Variants in PLRG1 observed in about 807,000 individuals in gnomAD.
PLRG1 encodes the protein pleiotropic regulator 1, also known as pleiotropic regulator 1 (PRL1 homolog, Arabidopsis).
PLRG1 carries 28 observed loss-of-function variants against 74.9 expected under a neutral mutation model. The observed-to-expected ratio is 0.37, with a 90% CI of 0.28 to 0.51. The LOEUF (loss-of-function observed/expected upper bound fraction) is 0.51. Among genes scored for constraint, PLRG1 ranks in the 20% least tolerant of loss-of-function variants. PLRG1 has a pLI of 0.91. For missense variants in PLRG1, 445 were observed against 631.9 expected, an observed-to-expected ratio of 0.70 and a Z score of 3.17; for synonymous variants, 197 against 212.4, an observed-to-expected ratio of 0.93 and a Z score of 0.63.
At position 154,537,267 on chromosome 4, in the gene PLRG1, T is replaced by C. The variant is rs1277167626; in HGVS notation, c.1485+19A>G. On this transcript the variant is annotated intron_variant, in intron 14 of 14. Coordinates refer to ENST00000499023, the MANE Select transcript of PLRG1 (RefSeq NM_002669.4). ...TGGTATAGCTGTTTTACTTAACGAA[T>C]GTGAAACACAGAACTTACGGCTGTG... is the stretch of plus-strand genomic sequence containing the variant. The C allele has an allele frequency of 1.8e-5, 28 of 1,556,106 alleles. No individual in the cohort carries two copies. Among genetic ancestry groups the C allele is most frequent in the Non-Finnish European group, 2.5e-5 (28 of 1,134,518 alleles).
At position 154,535,202 on chromosome 4, in the gene PLRG1, T is replaced by TA. The variant is rs1405948960; in HGVS notation, c.*1482dup. 1 of 151,772 alleles carries TA rather than the reference T, an allele frequency of 6.6e-6. No individual in the cohort carries two copies. Among genetic ancestry groups the TA allele is most frequent in the Non-Finnish European group, 1.5e-5 (1 of 67,986 alleles). The allele number at this position is 151,772 out of a possible 1,614,324, so 9.4% of individuals were successfully genotyped here. On this transcript the variant is annotated 3_prime_UTR_variant, in exon 15 of 15. Transcript: ENST00000499023. ...AAAATGCTTGCACAACTTTTTTTTT[T>TA]ACCCAAGTTTAGAAATCTTGCCCTA...
Position 154,535,854 on chromosome 4 carries a change from T to A in PLRG1, c.*831A>T, listed in dbSNP as rs1729437447. On this transcript the variant is annotated 3_prime_UTR_variant, in exon 15 of 15. Coordinates refer to ENST00000499023, the MANE Select transcript of PLRG1 (RefSeq NM_002669.4). ...CCTACTAGTTGAGGAATAAAATCCA[T>A]ACTTATATGAGCTTTCCCCAGAACA... is the stretch of plus-strand genomic sequence containing the variant. 1 of 149,202 alleles carries A rather than the reference T, an allele frequency of 6.7e-6. No individual in the cohort carries two copies. Among genetic ancestry groups the A allele is most frequent in the African/African-American group, 2.5e-5 (1 of 40,296 alleles). The allele number at this position is 149,202 out of a possible 1,614,324, so 9.2% of individuals were successfully genotyped here. A position where few individuals can be genotyped will look rare whatever the true frequency, so the allele number is the denominator to read the frequency against.
rs753921506 is a variant in PLRG1, at chr4:154,550,400, T to C, written c.-92A>G. 2 of 1,256,160 alleles carry C rather than the reference T, an allele frequency of 1.6e-6. No homozygotes were observed. Among genetic ancestry groups the C allele is most frequent in the African/African-American group, 1.5e-5 (1 of 66,884 alleles). The allele number at this position is 1,256,160 out of a possible 1,614,324, so 77.8% of individuals were successfully genotyped here. A position where few individuals can be genotyped will look rare whatever the true frequency, so the allele number is the denominator to read the frequency against. ...ACAGCTGTGCAGCACCTTCCGGAAT[T>C]GGGCGCCCAGGCGGCGGATGTGATG... is the stretch of plus-strand genomic sequence containing the variant. On this transcript the variant is annotated 5_prime_UTR_variant, in exon 1 of 15. Transcript: ENST00000499023.
At chr4:154,538,963 G>T (rs1332641576) in intron 12 of PLRG1, 142 bp downstream of exon 12, 1 of 584,960 alleles carries the variant, frequency 1.7e-6, no homozygotes, top group South Asian at 2.4e-5. Context: ...GAAAATAAAA[G>T]AAACACACGT....
At chr4:154,549,580 T>C (rs1729721530) in intron 1 of PLRG1, 1 of 423,112 alleles carries the variant, frequency 2.4e-6, no homozygotes, top group African/African-American at 2.0e-5. Context: ...TAAGGTCTTT[T>C]AGACTATTAC....
intron 6 of PLRG1, among the ~76,000 whole-genome samples, chr4:154,544,773 T>C (rs1729618420): frequency 6.6e-6 from 1 of 152,222 alleles, no homozygotes; most frequent in East Asian, 1.9e-4. Flanking sequence ...AAAACCCAGC[T>C]TGGCCAATTA....
Position 154,540,806 on chromosome 4 carries a change from G to A in PLRG1, c.816C>T (p.Cys272=), listed in dbSNP as rs774845173. The change falls in exon 9 of 15, where the codon TGC becomes TGT. Residue 272 remains cysteine (C), a synonymous_variant. Transcript: ENST00000499023. ...FSCGEDKQVK[C]WDLEYNKVIR... ...TTACCTTATTGTATTCGAGATCCCAGCATTTCACTTGTTTGTCTTCTCCAC... is the reference window on the plus strand; with the variant it reads ...TTACCTTATTGTATTCGAGATCCCAACATTTCACTTGTTTGTCTTCTCCAC... The A allele has an allele frequency of 6.8e-6, 11 of 1,613,444 alleles. No homozygotes were observed. In the Middle Eastern group the frequency reaches 6.6e-4, roughly 96 times the overall value.
chr4:154,549,116 C>T (rs1347652242), intron 1 of PLRG1, 181 bp from the exon 2 acceptor site: 2 of 592,832 alleles, frequency 3.4e-6, no homozygotes, highest in Admixed American at 4.3e-5. Flanking sequence ...TCCTCTTTGG[C>T]TAGAACCTCA....
intron 14 of PLRG1, 72 bp from the exon 15 acceptor site, chr4:154,536,816 C>T (rs1435933573): frequency 6.3e-6 from 5 of 798,042 alleles, no homozygotes; most frequent in Non-Finnish European, 1.0e-5. Flanking sequence ...TCCTTTCTAA[C>T]AAAAATAAGG....
chr4:154,537,129 C>A (rs1234016726), intron 14 of PLRG1, among the ~76,000 whole-genome samples, 157 bp downstream of exon 14: 1 of 151,980 alleles, frequency 6.6e-6, no homozygotes, highest in Non-Finnish European at 1.5e-5. Context: ...TCACTGGCAT[C>A]AGTGAAACAA....
chr4:154,542,987 A>G (rs530620633), intron 7 of PLRG1, among the ~76,000 whole-genome samples: 1 of 152,342 alleles, frequency 6.6e-6, no homozygotes, highest in East Asian at 1.9e-4. Context: ...GTTTGGTAGC[A>G]CTAGTTTGGC....
At chr4:154,539,816 C>A (rs1225189511) in intron 11 of PLRG1, 135 bp downstream of exon 11, 7 of 658,052 alleles carry the variant, frequency 1.1e-5, no homozygotes, top group African/African-American at 1.8e-5. Context: ...TTTCAATTGT[C>A]CATGATTAAA....
chr4:154,546,503 T>G, intron 4 of PLRG1: 1 of 364,760 alleles, frequency 2.7e-6, no homozygotes, highest in Non-Finnish European at 5.0e-6. Context: ...CAAGTCAGTA[T>G]TAAGCAGTTC....
At chr4:154,541,851 T>C (rs1729560662) in intron 8 of PLRG1, 1 of 215,556 alleles carries the variant, frequency 4.6e-6, no homozygotes, top group African/African-American at 2.3e-5. Flanking sequence ...GGTAGGATTA[T>C]ATACAGGTCT....
In PLRG1 at chr4:154,537,498, G is replaced by A. The variant is rs1010437694; in HGVS notation, c.1292-19C>T. 6.3e-7 allele frequency: 1 copy of A among 1,576,622 alleles called. No homozygotes were observed. The highest frequency in any genetic ancestry group is 8.7e-7 in the Non-Finnish European group (1 of 1,147,144). Reference sequence around the variant, plus strand: ...TTGTCAGCTTAAAGGGAAAAATCTAGTTACACCTGGTATCCCCTCAGCAGT... The same window carrying A: ...TTGTCAGCTTAAAGGGAAAAATCTAATTACACCTGGTATCCCCTCAGCAGT... On this transcript the variant is annotated intron_variant, in intron 13 of 14. Transcript: ENST00000499023.
At chr4:154,547,683 C>CT in intron 3 of PLRG1, 28 bp downstream of exon 3, 1 of 1,592,822 alleles carries the variant, frequency 6.3e-7, no homozygotes, top group Non-Finnish European at 8.6e-7. Flanking sequence ...ACATATAAGT[C>CT]TGACATTTCT....
At chr4:154,547,252 C>T (rs1729674988) in intron 3 of PLRG1, among the ~76,000 whole-genome samples, 188 bp from the exon 4 acceptor site, 2 of 152,118 alleles carry the variant, frequency 1.3e-5, no homozygotes, top group Non-Finnish European at 2.9e-5. Flanking sequence ...TGTCCTTGAC[C>T]ATTTGCTATA....
In PLRG1 at chr4:154,545,846, G is replaced by T; in HGVS notation, c.482C>A (p.Ala161Glu). The T allele has an allele frequency of 1.2e-6, 2 of 1,602,858 alleles. No individual in the cohort carries two copies. The highest frequency in any genetic ancestry group is 1.7e-6 in the Non-Finnish European group (2 of 1,170,726). Residue 161 changes from alanine to glutamate, a missense_variant, in exon 6 of 15, where the codon GCG (alanine) becomes GAG (glutamate). Physicochemically the swap from Ala to Glu is moderately radical, Grantham distance 107. Coordinates refer to ENST00000499023, the MANE Select transcript of PLRG1 (RefSeq NM_002669.4). ...TGCAGAAAAACTTACTGAATTCATC[G>T]CTGTAGGCTGTGGACGGTCAGAAGC... Reference protein sequence around the residue: ...PGASDRPQPTAMNSIVMETGN... With the variant: ...PGASDRPQPTEMNSIVMETGN...
At position 154,540,743 on chromosome 4, in the gene PLRG1, A is replaced by G. The variant is rs76330446; in HGVS notation, c.837+42T>C. 2.2e-4 allele frequency: 346 copies of G among 1,607,624 alleles called. 2 individuals are homozygous for G. The East Asian group carries it at 7.7e-3, about 36-fold the overall frequency. On this transcript the variant is annotated intron_variant, in intron 9 of 14. Coordinates refer to ENST00000499023, the MANE Select transcript of PLRG1 (RefSeq NM_002669.4). The stretch of plus-strand genomic sequence containing the variant: ...AAAACTTCTAGAATTAGAAAGATAA[A>G]TAGTAGTTCACAATGTTTTAAATCC...
Sources: allele counts gnomAD v4.1 joint callset (sites outside exome capture counted in the v4.1 genomes callset), GRCh38; gene constraint gnomAD v4.1.1; transcripts MANE v1.5; gene names NCBI Gene and HGNC (gene_info 2026-07-23, HGNC 2026-07-21).